SIAH3: variants seen among roughly 807,000 people sequenced by gnomAD.
The protein encoded by SIAH3 is seven in absentia homolog 3.
A neutral mutation model predicts 12.6 loss-of-function variants in SIAH3; 9 were observed. The observed-to-expected ratio is 0.72, with a 90% CI of 0.43 to 1.25. The LOEUF (loss-of-function observed/expected upper bound fraction) is 1.25, where lower values mean the gene tolerates loss of function less well. Among genes scored for constraint, SIAH3 ranks in the 50% most tolerant of loss-of-function variants. The probability of loss-of-function intolerance (pLI) is 0.00; values close to 1 mark genes in which losing one functional copy is unlikely to be tolerated. For missense variants in SIAH3, 390 were observed against 365.4 expected (o/e 1.07, Z -0.55); for synonymous variants, 154 against 151.1 (o/e 1.02, Z -0.14).
At chr13:45,798,408 A>G (rs1950570332) in intron 1 of SIAH3, among the ~76,000 whole-genome samples, 1 of 152,230 alleles carries the variant, frequency 6.6e-6, no homozygotes, top group Non-Finnish European at 1.5e-5. Context: ...AATGGTGAGC[A>G]GATCACATGT....
chr13:45,791,501 GGTGTGT>G (rs145679967), intron 1 of SIAH3, among the ~76,000 whole-genome samples: 3 of 151,470 alleles, frequency 2.0e-5, no homozygotes, highest in Non-Finnish European at 4.4e-5. Flanking sequence ...ATAGAAATAT[GGTGTGT>G]GTGTGTGTGG....
At position 45,830,699 on chromosome 13, in the gene SIAH3, C is replaced by T. The variant is rs543792318; in HGVS notation, c.135+20796G>A. 2.6e-5 allele frequency among the ~76,000 whole-genome samples: 4 copies of T among 152,302 alleles called. No homozygotes were observed. In the East Asian group the frequency reaches 7.7e-4, roughly 29 times the overall value. On this transcript the variant is annotated intron_variant, in intron 1 of 1. Transcript: ENST00000400405. ...TAAACTTGCTCCCAGCTCTTCAGGGCCTCAAGTCTAGTGGGAGAACCCAGC... is the reference window on the plus strand; with the variant it reads ...TAAACTTGCTCCCAGCTCTTCAGGGTCTCAAGTCTAGTGGGAGAACCCAGC...
At chr13:45,805,203 C>A (rs986490401) in intron 1 of SIAH3, among the ~76,000 whole-genome samples, 4 of 151,954 alleles carry the variant, frequency 2.6e-5, no homozygotes, top group Non-Finnish European at 4.4e-5. Context: ...TCAACATTAC[C>A]GTTCACAGAA....
intron 1 of SIAH3, among the ~76,000 whole-genome samples, chr13:45,803,318 G>C (rs1259313016): frequency 1.3e-5 from 2 of 152,172 alleles, no homozygotes; most frequent in Admixed American, 1.3e-4. Context: ...TCATGTGCCA[G>C]ATCCTGGTGA....
intron 1 of SIAH3, among the ~76,000 whole-genome samples, chr13:45,788,407 CTCAG>C (rs1378498237): frequency 1.3e-5 from 2 of 152,276 alleles, no homozygotes; most frequent in East Asian, 1.9e-4. Context: ...TGATAAACCC[CTCAG>C]TCAGTCAGTG....
chr13:45,803,797 T>C (rs945288778), intron 1 of SIAH3, among the ~76,000 whole-genome samples: 1 of 152,082 alleles, frequency 6.6e-6, no homozygotes, highest in Admixed American at 6.5e-5. Context: ...TTATCAAGAC[T>C]GCTAAGGAGT....
In SIAH3 at chr13:45,817,275, T is replaced by C. The variant is rs893917864; in HGVS notation, c.136-33218A>G. Among the ~76,000 whole-genome samples, 6 of 152,362 alleles carry C rather than the reference T, an allele frequency of 3.9e-5. No individual in the cohort carries two copies. The East Asian group carries it at 1.2e-3, about 29-fold the overall frequency. ...ATACCATTGTTACAATTGCCTACAATGTTCAATATAGTCACATGCTGTGCA... is the reference window on the plus strand; with the variant it reads ...ATACCATTGTTACAATTGCCTACAACGTTCAATATAGTCACATGCTGTGCA... On this transcript the variant is annotated intron_variant, in intron 1 of 1. Transcript: ENST00000400405.
At chr13:45,812,317 T>C (rs1317395029) in intron 1 of SIAH3, among the ~76,000 whole-genome samples, 1 of 152,184 alleles carries the variant, frequency 6.6e-6, no homozygotes, top group African/African-American at 2.4e-5. Context: ...GAGCCCATTT[T>C]ATAGACAAGG....
In SIAH3 at chr13:45,777,939, A is replaced by C. The variant is rs1302815347; in HGVS notation, c.*5444T>G. On this transcript the variant is annotated 3_prime_UTR_variant, in exon 2 of 2. Coordinates refer to ENST00000400405, the MANE Select transcript of SIAH3 (RefSeq NM_198849.3). ...TCAATGGACTTAGCTGGAAGTTTCC[A>C]GTGACTCTTGTCCTAGTGGAAACTG... The C allele has an allele frequency of 6.6e-6, 1 of 152,250 alleles. No homozygotes were observed. Among genetic ancestry groups the C allele is most frequent in the Non-Finnish European group, 1.5e-5 (1 of 68,050 alleles). 9.4% of individuals were successfully genotyped at this position (152,250 alleles called of 1,614,324 possible). A position where few individuals can be genotyped will look rare whatever the true frequency, so the allele number is the denominator to read the frequency against.
At chr13:45,795,756 A>T (rs1950560396) in intron 1 of SIAH3, among the ~76,000 whole-genome samples, 1 of 152,230 alleles carries the variant, frequency 6.6e-6, no homozygotes, top group Admixed American at 6.5e-5. Context: ...TATGAGCATT[A>T]TGTGATCAGA....
In SIAH3 at chr13:45,778,681, C is replaced by T. The variant is rs1381516305; in HGVS notation, c.*4702G>A. 2 of 152,080 alleles carry T rather than the reference C, an allele frequency of 1.3e-5. No individual in the cohort carries two copies. Among genetic ancestry groups the T allele is most frequent in the East Asian group, 3.9e-4 (2 of 5,190 alleles). The allele number at this position is 152,080 out of a possible 1,614,324, so 9.4% of individuals were successfully genotyped here. ...TCTAGGCAGTGGTATTAAGTCAACC[C>T]TCTGTATCCACATGTTCCACACCTG... On this transcript the variant is annotated 3_prime_UTR_variant, in exon 2 of 2. Coordinates refer to ENST00000400405, the MANE Select transcript of SIAH3 (RefSeq NM_198849.3).
intron 1 of SIAH3, among the ~76,000 whole-genome samples, chr13:45,814,368 A>T (rs1950627036): frequency 6.6e-6 from 1 of 152,004 alleles, no homozygotes; most frequent in Admixed American, 6.6e-5. Flanking sequence ...TGGCAATTAC[A>T]TTACTCAGGA....
intron 1 of SIAH3, among the ~76,000 whole-genome samples, chr13:45,784,398 GTTT>G (rs35686357): frequency 2.2e-3 from 148 of 65,830 alleles, no homozygotes; most frequent in African/African-American, 6.8e-3. Context: ...AAAGACAGCT[GTTT>G]TTTTTTTTTT....
At chr13:45,827,939 A>G (rs1273617446) in intron 1 of SIAH3, among the ~76,000 whole-genome samples, 1 of 152,138 alleles carries the variant, frequency 6.6e-6, no homozygotes, top group Non-Finnish European at 1.5e-5. Context: ...CAGTGCCCCA[A>G]TTTAATGCAC....
At position 45,824,533 on chromosome 13, in the gene SIAH3, G is replaced by A. The variant is rs563057629; in HGVS notation, c.135+26962C>T. ...GGCCTAACCTCATCTAATTAAGGCAGAGTATCTGGGGTTGAGACCCAGGTT... is the reference window on the plus strand; with the variant it reads ...GGCCTAACCTCATCTAATTAAGGCAAAGTATCTGGGGTTGAGACCCAGGTT... On this transcript the variant is annotated intron_variant, in intron 1 of 1. Transcript: ENST00000400405. Among the ~76,000 whole-genome samples the A allele has an allele frequency of 5.3e-5, 8 of 152,310 alleles. No individual in the cohort carries two copies. The South Asian group carries it at 1.5e-3, about 28-fold the overall frequency.
rs776800848 is a variant in SIAH3, at chr13:45,801,098, G to GGT, written c.136-17042_136-17041insAC. Among the ~76,000 whole-genome samples, 132 of 122,988 alleles carry GGT rather than the reference G, an allele frequency of 1.1e-3. 2 individuals are homozygous for GGT. Among genetic ancestry groups the GGT allele is most frequent in the East Asian group, 3.2e-3 (16 of 5,022 alleles). 80.7% of individuals were successfully genotyped at this position (122,988 alleles called of 152,430 possible). ...CACTGGGTGAAGTGATGGGTGGCGGGGGGGGGCATGGCTGTAGACGTTGCT... is the reference window on the plus strand; with the variant it reads ...CACTGGGTGAAGTGATGGGTGGCGGGGTGGGGGGCATGGCTGTAGACGTTGCT... On this transcript the variant is annotated intron_variant, in intron 1 of 1. Coordinates refer to ENST00000400405, the MANE Select transcript of SIAH3 (RefSeq NM_198849.3).
intron 1 of SIAH3, among the ~76,000 whole-genome samples, chr13:45,839,687 C>T (rs1950732922): frequency 6.6e-6 from 1 of 151,854 alleles, no homozygotes; most frequent in African/African-American, 2.4e-5. Context: ...AAAAAATTAG[C>T]CGGGCGTGGT....
intron 1 of SIAH3, among the ~76,000 whole-genome samples, chr13:45,813,628 T>C (rs928732691): frequency 1.3e-5 from 2 of 152,176 alleles, no homozygotes; most frequent in South Asian, 2.1e-4. Flanking sequence ...AATACTCAAT[T>C]ACTTTTGCAC....
chr13:45,787,019 T>G (rs1454050790), intron 1 of SIAH3, among the ~76,000 whole-genome samples: 1 of 151,192 alleles, frequency 6.6e-6, no homozygotes. Context: ...AGGGAGGGAG[T>G]GAGAAGAAAT....
Sources: gnomAD v4.1 joint callset for allele counts (sites outside exome capture counted in the v4.1 genomes callset) on GRCh38, gnomAD v4.1.1 for gene constraint, MANE v1.5 for transcripts, NCBI Gene and HGNC (gene_info 2026-07-23, HGNC 2026-07-21) for gene names.